Variants in LINGO2 observed in about 807,000 individuals in gnomAD.
The protein encoded by LINGO2 is leucine rich repeat and Ig domain containing 2.
Under a neutral mutation model 30.6 loss-of-function variants are expected in LINGO2, and 14 were observed. That is an observed-to-expected ratio of 0.46 (90% CI 0.30 to 0.72). LINGO2 has a LOEUF of 0.72. LINGO2 is among the 30% of genes least tolerant of loss of function. LINGO2 has a pLI of 0.07. For synonymous variants in LINGO2, 317 were observed against 288.5 expected (o/e 1.10, Z -1.00); for missense variants, 729 against 751.7 (o/e 0.97, Z 0.35).
At chr9:29,123,137 G>T in the LINGO2 span, among the ~76,000 whole-genome samples, 3 of 151,984 alleles carry the variant, frequency 2.0e-5, no homozygotes, top group Non-Finnish European at 2.9e-5. Flanking sequence ...AGGGTTCACA[G>T]GACAGGAGAA....
At chr9:28,966,734 T>C in the LINGO2 span, among the ~76,000 whole-genome samples, 1 of 152,138 alleles carries the variant, frequency 6.6e-6, no homozygotes, top group Non-Finnish European at 1.5e-5. Flanking sequence ...AAGAGTTTAA[T>C]GTATTCCATA....
At chr9:28,866,138 A>T in the LINGO2 span, among the ~76,000 whole-genome samples, 1 of 152,166 alleles carries the variant, frequency 6.6e-6, no homozygotes, top group East Asian at 1.9e-4. Flanking sequence ...TCTATTTTAT[A>T]TAAGTAGATA....
In LINGO2 at chr9:28,343,902, T is replaced by G. The variant is rs1819462196; in HGVS notation, c.-246+28934A>C. 1.3e-5 allele frequency among the ~76,000 whole-genome samples: 2 copies of G among 152,126 alleles called. 1 individual carries two copies. The highest frequency in any genetic ancestry group is 4.1e-4 in the South Asian group (2 of 4,820). The stretch of plus-strand genomic sequence containing the variant: ...TAAACAGGAAACCCTCCAAATAAAA[T>G]GTCTCCATTAGGTGGCAGGGAGGAA... On this transcript the variant is annotated intron_variant, in intron 3 of 5. Coordinates refer to ENST00000379992, the Ensembl canonical transcript of LINGO2.
intron 1 of LINGO2, among the ~76,000 whole-genome samples, chr9:28,665,940 T>G (rs1389386677): frequency 2.0e-5 from 3 of 151,114 alleles, no homozygotes; most frequent in African/African-American, 7.3e-5. Flanking sequence ...TTGCCCAGGC[T>G]GGAGTGCAAT....
At chr9:28,189,313 AAGGAAGGAAGGG>A (rs1819675627) in intron 4 of LINGO2, among the ~76,000 whole-genome samples, 1 of 15,764 alleles carries the variant, frequency 6.3e-5, no homozygotes, top group African/African-American at 2.0e-4. Flanking sequence ...GGGAGGAAGG[AAGGAAGGAAGGG>A]AGGGAGGAAG....
intron 3 of LINGO2, among the ~76,000 whole-genome samples, chr9:28,305,066 T>C (rs535278198): frequency 3.7e-4 from 57 of 152,164 alleles, no homozygotes; most frequent in Middle Eastern, 3.4e-3. Flanking sequence ...GAGATTTGCT[T>C]CATACAAAAG....
intron 1 of LINGO2, among the ~76,000 whole-genome samples, chr9:28,565,887 G>A (rs1355842522): frequency 6.6e-6 from 1 of 152,076 alleles, no homozygotes; most frequent in Non-Finnish European, 1.5e-5. Context: ...CTTGGGGAAA[G>A]GTGAAAGGCT....
At chr9:28,056,207 T>G (rs1824936179) in intron 4 of LINGO2, among the ~76,000 whole-genome samples, 2 of 152,102 alleles carry the variant, frequency 1.3e-5, no homozygotes, top group Admixed American at 1.3e-4. Context: ...GTTTATATTA[T>G]TACTAACAGG....
intron 3 of LINGO2, among the ~76,000 whole-genome samples, chr9:28,309,940 A>G (rs1167799249): frequency 1.3e-5 from 2 of 152,148 alleles, no homozygotes; most frequent in Admixed American, 6.6e-5. Context: ...CAGCAAATAA[A>G]AAACACCCCG....
At chr9:28,088,187 T>C (rs1041201291) in intron 4 of LINGO2, among the ~76,000 whole-genome samples, 3 of 117,842 alleles carry the variant, frequency 2.5e-5, no homozygotes, top group Admixed American at 2.0e-4. Flanking sequence ...GAAATAAGAT[T>C]ATATATATAT....
the LINGO2 span, among the ~76,000 whole-genome samples, chr9:28,748,348 G>T: frequency 6.0e-5 from 9 of 151,066 alleles, no homozygotes; most frequent in Non-Finnish European, 1.2e-4. Flanking sequence ...ATGATAAAAA[G>T]AATAATCCCT....
the LINGO2 span, among the ~76,000 whole-genome samples, chr9:28,995,993 A>G: frequency 1.3e-5 from 2 of 148,818 alleles, no homozygotes; most frequent in African/African-American, 2.5e-5. Context: ...CACATTGTGC[A>G]CATGTACCCT....
chr9:28,652,129 C>T (rs1588028142), intron 1 of LINGO2, among the ~76,000 whole-genome samples: 1 of 152,050 alleles, frequency 6.6e-6, no homozygotes, highest in African/African-American at 2.4e-5. Context: ...TCTATAAGCA[C>T]AAGGACATGT....
Position 27,978,255 on chromosome 9 carries a change from T to C in LINGO2, c.-35-27549A>G, listed in dbSNP as rs552985642. ...CATCTTTAGCCAAACTGCAATTCAA[T>C]GCAACAGATGTCTGGAGGGACACTG... On this transcript the variant is annotated intron_variant, in intron 5 of 5. Coordinates refer to ENST00000379992, the Ensembl canonical transcript of LINGO2. 2.0e-5 allele frequency among the ~76,000 whole-genome samples: 3 copies of C among 152,190 alleles called. No homozygotes were observed. The East Asian group carries it at 5.8e-4, about 29-fold the overall frequency.
intron 4 of LINGO2, among the ~76,000 whole-genome samples, chr9:28,198,373 T>C (rs1820094244): frequency 6.6e-6 from 1 of 152,136 alleles, no homozygotes; most frequent in Admixed American, 6.5e-5. Context: ...ACAGATACTC[T>C]CTGGATAAAT....
intron 4 of LINGO2, among the ~76,000 whole-genome samples, chr9:28,259,259 C>T (rs1283398933): frequency 6.6e-6 from 1 of 151,570 alleles, no homozygotes; most frequent in East Asian, 1.9e-4. Context: ...TAGGACTTAC[C>T]CAGGGATAAA....
chr9:28,040,431 T>TG (rs1454128222), intron 4 of LINGO2, among the ~76,000 whole-genome samples: 6 of 151,324 alleles, frequency 4.0e-5, no homozygotes, highest in Non-Finnish European at 7.4e-5. Context: ...GAAGTTTTTT[T>TG]TTTTTTTTTT....
the LINGO2 span, among the ~76,000 whole-genome samples, chr9:28,970,397 C>A: frequency 1.3e-5 from 2 of 152,220 alleles, no homozygotes; most frequent in East Asian, 3.9e-4. Context: ...AGTATTTACA[C>A]AAGAAAAGCA....
the LINGO2 span, among the ~76,000 whole-genome samples, chr9:28,938,366 T>C: frequency 6.6e-6 from 1 of 152,186 alleles, no homozygotes; most frequent in African/African-American, 2.4e-5. Flanking sequence ...ATATTTTAAG[T>C]TCAATTTCCT....
Sources: allele counts gnomAD v4.1 joint callset (sites outside exome capture counted in the v4.1 genomes callset), GRCh38; gene constraint gnomAD v4.1.1; transcripts MANE v1.5; gene names NCBI Gene and HGNC (gene_info 2026-07-23, HGNC 2026-07-21).